KIRREL3: variants seen among roughly 807,000 people sequenced by gnomAD.
KIRREL3 encodes the protein kirre like nephrin family adhesion molecule 3.
A neutral mutation model predicts 89.7 loss-of-function variants in KIRREL3; 36 were observed. That is an observed-to-expected ratio of 0.40 (90% confidence interval 0.31 to 0.53). The LOEUF is 0.53. KIRREL3 is among the 20% of genes least tolerant of loss of function. KIRREL3 has a pLI of 0.49. For missense variants in KIRREL3, 864 were observed against 1,056.6 expected, an observed-to-expected ratio of 0.82 and a Z score of 2.53; for synonymous variants, 445 against 441.4, an observed-to-expected ratio of 1.01 and a Z score of -0.10.
intron 1 of KIRREL3, among the ~76,000 whole-genome samples, chr11:126,937,715 C>G (rs185700471): frequency 6.6e-6 from 1 of 151,878 alleles, no homozygotes. Context: ...CTGGCTAACA[C>G]AGTGAAACCC....
chr11:126,936,522 T>G (rs1948192878), intron 1 of KIRREL3: 1 of 147,752 alleles, frequency 6.8e-6, no homozygotes, highest in Non-Finnish European at 1.5e-5. Flanking sequence ...ATATACAAAA[T>G]GTGGTCTATC....
rs769187864 is a variant in KIRREL3 at position 126,969,516 on chromosome 11, G to A, written c.55+30939C>T. 2.0e-5 allele frequency among the ~76,000 whole-genome samples: 3 copies of A among 152,140 alleles called. No individual in the cohort carries two copies. The highest frequency in any genetic ancestry group is 4.4e-5 in the Non-Finnish European group (3 of 68,026). On this transcript the variant is annotated intron_variant, in intron 1 of 16. Coordinates refer to ENST00000525144, the MANE Select transcript of KIRREL3 (RefSeq NM_032531.4). This position sits in a 1 kb window ranked among gnomAD's most constrained non-coding sequence, Gnocchi z 4.9. ...AGAGGGAGTAAGAACGTCTCCTGAG[G>A]GCGGAGGCTGTGGGTAGCAATGGAG...
chr11:126,975,016 G>T (rs994165206), intron 1 of KIRREL3, among the ~76,000 whole-genome samples: 2 of 152,104 alleles, frequency 1.3e-5, no homozygotes, highest in African/African-American at 4.8e-5. Context: ...TCACCATGTT[G>T]CCTAGGCTGG....
rs557155638 is a variant in KIRREL3 at position 126,709,368 on chromosome 11, C to A, written c.56-146456G>T. The stretch of plus-strand genomic sequence containing the variant: ...AGTAGGGGTGGAGGGGCAGCACCCC[C>A]GGGCAGAAGATGCAGCCAAACAGGA... On this transcript the variant is annotated intron_variant, in intron 1 of 16. Transcript: ENST00000525144. The surrounding 1 kb of genome is among the most constrained non-coding windows in gnomAD (Gnocchi z 4.0). Among the ~76,000 whole-genome samples the A allele has an allele frequency of 1.4e-4, 21 of 152,210 alleles. No individual in the cohort carries two copies. The highest frequency in any genetic ancestry group is 5.9e-5 in the Non-Finnish European group (4 of 67,998).
rs141017489 is a variant in KIRREL3 at position 126,860,523 on chromosome 11, G to C, written c.55+139932C>G. On this transcript the variant is annotated intron_variant, in intron 1 of 16. Transcript: ENST00000525144. The surrounding 1 kb of genome is among the most constrained non-coding windows in gnomAD (Gnocchi z 4.6). ...GAGAAGTGCATGACCTTCTCAAGAC[G>C]TAGTGATTGCTCTGGGTGTGGCCAG... 5.9e-5 allele frequency among the ~76,000 whole-genome samples: 9 copies of C among 152,316 alleles called. No individual in the cohort carries two copies. In the East Asian group the frequency reaches 1.5e-3, roughly 26 times the overall value.
At chr11:126,596,422 TCA>T (rs1328461101) in intron 1 of KIRREL3, among the ~76,000 whole-genome samples, 3 of 152,232 alleles carry the variant, frequency 2.0e-5, no homozygotes, top group African/African-American at 4.8e-5. Context: ...ATGCCCAATG[TCA>T]CACAGCCAGT....
chr11:126,535,895 G>T lies in KIRREL3; in HGVS notation c.134-9208C>A, dbSNP rs533826715. On this transcript the variant is annotated intron_variant, in intron 2 of 16. Transcript: ENST00000525144. This position sits in a 1 kb window ranked among gnomAD's most constrained non-coding sequence, Gnocchi z 4.5. ...AGCTACTCAGGAGGCTGAGCCAGGA[G>T]AATCCATAGAACCTGGGAGGCGGAG... Among the ~76,000 whole-genome samples, 147 of 152,336 alleles carry T rather than the reference G, an allele frequency of 9.6e-4. No individual in the cohort carries two copies. Among genetic ancestry groups the T allele is most frequent in the African/African-American group, 3.4e-3 (142 of 41,576 alleles).
Position 126,780,905 on chromosome 11 carries a change from G to C in KIRREL3, c.56-217993C>G, listed in dbSNP as rs1950306797. On this transcript the variant is annotated intron_variant, in intron 1 of 16. Transcript: ENST00000525144. The surrounding 1 kb of genome is among the most constrained non-coding windows in gnomAD (Gnocchi z 5.3). The stretch of plus-strand genomic sequence containing the variant: ...TTCATCTATAAAATGGGATGAAGCT[G>C]CCTTATGGCTTAGTTTGTTATGAGT... Among the ~76,000 whole-genome samples the C allele has an allele frequency of 6.6e-6, 1 of 152,224 alleles. No homozygotes were observed. The highest frequency in any genetic ancestry group is 1.5e-5 in the Non-Finnish European group (1 of 68,038).
rs1794731364 is a variant in KIRREL3, at chr11:126,628,306, A to T, written c.56-65394T>A. ...TCTCTGTGAGAAGGAAAATGAGAAC[A>T]TTCCGGAAGGAAGCACTCTTCTTTC... On this transcript the variant is annotated intron_variant, in intron 1 of 16. Coordinates refer to ENST00000525144, the MANE Select transcript of KIRREL3 (RefSeq NM_032531.4). The surrounding 1 kb of genome is among the most constrained non-coding windows in gnomAD (Gnocchi z 5.2). 6.6e-6 allele frequency among the ~76,000 whole-genome samples: 1 copy of T among 152,152 alleles called. No homozygotes were observed.
rs148456315 is a variant in KIRREL3 at position 126,543,310 on chromosome 11, C to T, written c.134-16623G>A. ...GAGGGAGTGTGAGGACTGCCGGAGACGCCCAGCCTAGGAGGGGAAGCTTTC... is the reference window on the plus strand; with the variant it reads ...GAGGGAGTGTGAGGACTGCCGGAGATGCCCAGCCTAGGAGGGGAAGCTTTC... On this transcript the variant is annotated intron_variant, in intron 2 of 16. Transcript: ENST00000525144. Among the ~76,000 whole-genome samples, 251 of 152,294 alleles carry T rather than the reference C, an allele frequency of 1.6e-3. 3 individuals carry two copies. The South Asian group carries it at 0.021, about 13-fold the overall frequency.
chr11:126,515,812 CT>C lies in KIRREL3; in HGVS notation c.433+5502del, dbSNP rs1402515850. ...TCTCGCCCCTGAAGAACCCCTCAGACTGTCACCTACTGATTTGCCTTTTTAT... is the reference window on the plus strand; with the variant it reads ...TCTCGCCCCTGAAGAACCCCTCAGACGTCACCTACTGATTTGCCTTTTTAT... On this transcript the variant is annotated intron_variant, in intron 4 of 16. Transcript: ENST00000525144. The surrounding 1 kb of genome is among the most constrained non-coding windows in gnomAD (Gnocchi z 4.2). 5.3e-5 allele frequency among the ~76,000 whole-genome samples: 8 copies of C among 152,218 alleles called. No individual in the cohort carries two copies. The highest frequency in any genetic ancestry group is 8.8e-5 in the Non-Finnish European group (6 of 68,036).
At chr11:126,809,373 C>T (rs1287445483) in intron 1 of KIRREL3, among the ~76,000 whole-genome samples, 5 of 152,128 alleles carry the variant, frequency 3.3e-5, no homozygotes, top group Non-Finnish European at 7.3e-5. Flanking sequence ...ATACTAAGTA[C>T]AATGTATGTT....
intron 1 of KIRREL3, among the ~76,000 whole-genome samples, chr11:126,743,076 T>C (rs1949031622): frequency 6.6e-6 from 1 of 152,176 alleles, no homozygotes; most frequent in African/African-American, 2.4e-5. Context: ...ACAGGGCAGA[T>C]GGAGATATGG....
chr11:126,781,024 G>A (rs61897930), intron 1 of KIRREL3, among the ~76,000 whole-genome samples: 2,793 of 152,344 alleles, frequency 0.018, 50 homozygotes, highest in Non-Finnish European at 0.025. Context: ...GGCTGAAACA[G>A]AGGCAGGGAC....
rs184210898 is a variant in KIRREL3, at chr11:126,954,738, G to A, written c.55+45717C>T. 8.5e-5 allele frequency among the ~76,000 whole-genome samples: 13 copies of A among 152,242 alleles called. No individual in the cohort carries two copies. The East Asian group carries it at 2.3e-3, about 27-fold the overall frequency. On this transcript the variant is annotated intron_variant, in intron 1 of 16. Coordinates refer to ENST00000525144, the MANE Select transcript of KIRREL3 (RefSeq NM_032531.4). This position sits in a 1 kb window ranked among gnomAD's most constrained non-coding sequence, Gnocchi z 4.1. Reference sequence around the variant, plus strand: ...AGTAGTCATATATTGAGTTCCTACCGTGGTAGGCTTCATCCCTGTAGATGG... The same window carrying A: ...AGTAGTCATATATTGAGTTCCTACCATGGTAGGCTTCATCCCTGTAGATGG...
intron 1 of KIRREL3, among the ~76,000 whole-genome samples, chr11:126,745,008 A>C (rs1376735149): frequency 6.6e-6 from 1 of 152,168 alleles, no homozygotes; most frequent in Non-Finnish European, 1.5e-5. Context: ...GGGTAGTTGC[A>C]TATTCTGGTT....
intron 1 of KIRREL3, among the ~76,000 whole-genome samples, chr11:126,671,237 T>C (rs1449730382): frequency 4.8e-5 from 3 of 62,670 alleles, no homozygotes; most frequent in Non-Finnish European, 6.8e-5. Context: ...TTTTTCTCCT[T>C]TTTTTTTTTT....
chr11:126,968,341 A>G (rs1249737484), intron 1 of KIRREL3, among the ~76,000 whole-genome samples: 1 of 152,228 alleles, frequency 6.6e-6, no homozygotes, highest in African/African-American at 2.4e-5. Context: ...TAATGGCAAA[A>G]TGCAAAAGAA....
At position 126,569,731 on chromosome 11, in the gene KIRREL3, G is replaced by A. The variant is rs778436816; in HGVS notation, c.56-6819C>T. On this transcript the variant is annotated intron_variant, in intron 1 of 16. Transcript: ENST00000525144. This position sits in a 1 kb window ranked among gnomAD's most constrained non-coding sequence, Gnocchi z 6.5. The stretch of plus-strand genomic sequence containing the variant: ...AAAAGACAGCTTCAGGCTGTGGGAT[G>A]GTGAGGGAGGTCCTTGCAAAAGGCC... Among the ~76,000 whole-genome samples, 6 of 152,196 alleles carry A rather than the reference G, an allele frequency of 3.9e-5. No individual in the cohort carries two copies. Among genetic ancestry groups the A allele is most frequent in the Non-Finnish European group, 7.3e-5 (5 of 68,042 alleles).
Sources: allele counts gnomAD v4.1 joint callset (sites outside exome capture counted in the v4.1 genomes callset), GRCh38; gene constraint gnomAD v4.1.1; non-coding constraint Gnocchi (gnomAD v3.1); transcripts MANE v1.5; gene names NCBI Gene and HGNC (gene_info 2026-07-23, HGNC 2026-07-21).